The following SPTBN5 variants were observed in gnomAD, a reference collection of about 807,000 sequenced individuals.
SPTBN5 encodes the protein spectrin beta chain, non-erythrocytic 5.
Under a neutral mutation model 477.6 loss-of-function variants are expected in SPTBN5, and 513 were observed. The ratio of observed to expected loss-of-function variants is 1.07; its 90% confidence interval spans 1.00 to 1.16. The LOEUF (loss-of-function observed/expected upper bound fraction) is 1.16. Among genes scored for constraint, SPTBN5 ranks in the 50% most tolerant of loss-of-function variants. The pLI, the probability that SPTBN5 is intolerant of heterozygous loss-of-function variation, is 0.00. For synonymous variants in SPTBN5, 2,169 were observed against 2,011.7 expected (o/e 1.08, Z -2.09); for missense variants, 5,062 against 4,731.8 (o/e 1.07, Z -2.05).
Position 41,888,072 on chromosome 15 carries a change from G to C in SPTBN5, c.515C>G (p.Ala172Gly). 6.4e-7 allele frequency: 1 copy of C among 1,572,258 alleles called. No individual in the cohort carries two copies. The highest frequency in any genetic ancestry group is 8.6e-7 in the Non-Finnish European group (1 of 1,159,504). Residue 172 changes from alanine (A) to glycine (G), a missense_variant, in exon 5 of 68, where the codon GCC (alanine) becomes GGC (glycine). Ala to Gly is a moderately conservative substitution (Grantham distance 60). Transcript: ENST00000320955. ...CTTGGTGGACAGCAGGGCTGCGCTGGCCCCAAACTCCTCCTGGCGGGACAG... is the reference window on the plus strand; with the variant it reads ...CTTGGTGGACAGCAGGGCTGCGCTGCCCCCAAACTCCTCCTGGCGGGACAG... ...HISLDKEEFGASAALLSTKEA... is the reference protein window; with the variant it reads ...HISLDKEEFGGSAALLSTKEA...
rs775437209 is a variant in SPTBN5, at chr15:41,870,522, C to T, written c.5486G>A (p.Arg1829Gln). The T allele has an allele frequency of 2.8e-5, 45 of 1,611,058 alleles. No individual in the cohort carries two copies. The highest frequency in any genetic ancestry group is 2.8e-5 in the Non-Finnish European group (33 of 1,179,614). Residue 1829 changes from arginine (R) to glutamine (Q), a missense_variant, in exon 30 of 68, where the codon CGA (arginine) becomes CAA (glutamine). By Grantham distance (43) the Arg-to-Gln change is conservative. Transcript: ENST00000320955. ...CTCGGTGTCTCGGAGCGCGTGGCCT[C>T]GGGCCTGGGTCAGCTCCCACAGCTC... is the stretch of plus-strand genomic sequence containing the variant. ...WSELWELTQA[R>Q]GHALRDTETT...
chr15:41,865,800 C>A lies in SPTBN5; in HGVS notation c.6918+8G>T, dbSNP rs781263997. 43 of 1,553,936 alleles carry A rather than the reference C, an allele frequency of 2.8e-5. No individual in the cohort carries two copies. The East Asian group carries it at 9.9e-4, about 36-fold the overall frequency. ...ATGGCCAACCTCTACCCAGCAAGGC[C>A]CTCTTACCCCGGCCGAGTTTCCTCG... is the stretch of plus-strand genomic sequence containing the variant. On this transcript the variant is annotated splice_region_variant and intron_variant, in intron 39 of 67. Coordinates refer to ENST00000320955, the MANE Select transcript of SPTBN5 (RefSeq NM_016642.4).
chr15:41,856,462 G>A lies in SPTBN5; in HGVS notation c.8945C>T (p.Ala2982Val). 3 of 1,597,194 alleles carry A rather than the reference G, an allele frequency of 1.9e-6. No individual in the cohort carries two copies. The highest frequency in any genetic ancestry group is 2.6e-6 in the Non-Finnish European group (3 of 1,173,244). Reference protein sequence around the residue: ...ARVQQLEKAMAHLRAEAARRR... With the variant: ...ARVQQLEKAMVHLRAEAARRR... Reference sequence around the variant, plus strand: ...CCGCGCCGCCTCTGCCCGCAGGTGGGCCATGGCCTTCTCCAGCTGCTGCAC... The same window carrying A: ...CCGCGCCGCCTCTGCCCGCAGGTGGACCATGGCCTTCTCCAGCTGCTGCAC... Residue 2982 changes from alanine to valine, a missense_variant, in exon 53 of 68, where the codon GCC (alanine) becomes GTC (valine). By Grantham distance (64) the Ala-to-Val change is moderately conservative. Transcript: ENST00000320955.
chr15:41,879,598 G>T, intron 15 of SPTBN5, 99 bp from the exon 16 acceptor site: 1 of 1,544,108 alleles, frequency 6.5e-7, no homozygotes, highest in South Asian at 1.2e-5. Flanking sequence ...TGCCAGACTG[G>T]CTGTCCCTTG....
At position 41,863,755 on chromosome 15, in the gene SPTBN5, T is replaced by A. The variant is rs946259335; in HGVS notation, c.7098A>T (p.Ile2366=). The stretch of plus-strand genomic sequence containing the variant: ...TGTCCAGCTCTCGGGACAACACGTG[T>A]ATCTCCAAGGCCCCTTCGAGCTGCT... The part of the protein sequence containing the change: ...YQQQLEGALE[I]HVLSRELDNV... Residue 2366 remains isoleucine, a synonymous_variant, in exon 41 of 68, where the codon ATA becomes ATT. Coordinates refer to ENST00000320955, the MANE Select transcript of SPTBN5 (RefSeq NM_016642.4). The A allele has an allele frequency of 1.2e-6, 2 of 1,613,724 alleles. No individual in the cohort carries two copies. The highest frequency in any genetic ancestry group is 1.7e-6 in the Non-Finnish European group (2 of 1,179,876).
rs1424592489 is a variant in SPTBN5 at position 41,857,678 on chromosome 15, TG to T, written c.8258del (p.Pro2753GlnfsTer58). The T allele has an allele frequency of 6.3e-7, 1 of 1,584,430 alleles. No individual in the cohort carries two copies. The highest frequency in any genetic ancestry group is 8.6e-7 in the Non-Finnish European group (1 of 1,166,138). ...EGQRLLQGGHPASEAIQERLE... is the reference protein window; with the variant it reads ...EGQRLLQGGHXASEAIQERLE... ...GTCGCTCCTGGATGGCCTCCGAGGCTGGGTGGCCCCCCTGCAGCAGCCTCTG... is the reference window on the plus strand; with the variant it reads ...GTCGCTCCTGGATGGCCTCCGAGGCTGGTGGCCCCCCTGCAGCAGCCTCTG... On this transcript the variant is annotated frameshift_variant, in exon 50 of 68. Transcript: ENST00000320955. LOFTEE classifies it high-confidence loss of function.
chr15:41,850,989 C>T, intron 65 of SPTBN5, 50 bp from the exon 66 acceptor site: 4 of 1,588,238 alleles, frequency 2.5e-6, no homozygotes, highest in Non-Finnish European at 3.4e-6. Flanking sequence ...TGGGGACCCC[C>T]ACGCCTCCAG....
In SPTBN5 at chr15:41,867,078, GC is replaced by G. The variant is rs2066348130; in HGVS notation, c.6360del (p.Arg2121GlyfsTer12). 6.5e-7 allele frequency: 1 copy of G among 1,546,528 alleles called. No individual in the cohort carries two copies. The highest frequency in any genetic ancestry group is 2.0e-5 in the Admixed American group (1 of 51,118). On this transcript the variant is annotated frameshift_variant, in exon 36 of 68. Coordinates refer to ENST00000320955, the MANE Select transcript of SPTBN5 (RefSeq NM_016642.4). LOFTEE classifies it high-confidence loss of function. ...TGCAGCAGGATGGGAAGCCGGTCCC[GC>G]ACCCGGGGGCGCCGGAGCGTCTTCA... ...ERLKTLRRPR[V>X]RDRLPILLQR...
Position 41,875,694 on chromosome 15 carries a change from C to T in SPTBN5, c.4123-72G>A, listed in dbSNP as rs74429960. 4,103 of 1,471,666 alleles carry T rather than the reference C, an allele frequency of 2.8e-3. 102 individuals are homozygous for T. The African/African-American group carries it at 0.052, about 19-fold the overall frequency. The allele number at this position is 1,471,666 out of a possible 1,614,324, so 91.2% of individuals were successfully genotyped here. On this transcript the variant is annotated intron_variant, in intron 21 of 67. Coordinates refer to ENST00000320955, the MANE Select transcript of SPTBN5 (RefSeq NM_016642.4). ...CCACCAGTGGCCGCAGCAGGCTGGA[C>T]CTGGGTGGCAGTGGAGGTGAGGGGG...
intron 33 of SPTBN5, 40 bp downstream of exon 33, chr15:41,868,358 T>C (rs767351681): frequency 3.8e-6 from 6 of 1,580,954 alleles, no homozygotes; most frequent in Non-Finnish European, 5.2e-6. Flanking sequence ...ACAGGCTTGG[T>C]CAGCTAGGGT....
At chr15:41,872,191 T>G in intron 27 of SPTBN5, 111 bp downstream of exon 27, 1 of 1,362,682 alleles carries the variant, frequency 7.3e-7, no homozygotes. Context: ...CCAATGCATC[T>G]CTACAGCCTG....
chr15:41,861,354 C>A (rs538874606), intron 46 of SPTBN5, 65 bp downstream of exon 46: 54 of 1,428,602 alleles, frequency 3.8e-5, no homozygotes, highest in Admixed American at 3.7e-4. Context: ...GCAGCACTGG[C>A]TGGTTTGACC....
chr15:41,872,579 C>T, intron 26 of SPTBN5, 120 bp from the exon 27 acceptor site: 1 of 1,064,884 alleles, frequency 9.4e-7, no homozygotes, highest in Non-Finnish European at 1.3e-6. Flanking sequence ...CACGCCCATC[C>T]ATCTACCTCA....
rs2066395071 is a variant in SPTBN5, at chr15:41,868,087, C to A, written c.6189G>T (p.Glu2063Asp). 1.2e-6 allele frequency: 2 copies of A among 1,603,118 alleles called. No individual in the cohort carries two copies. The highest frequency in any genetic ancestry group is 1.7e-6 in the Non-Finnish European group (2 of 1,177,308). Reference protein sequence around the residue: ...LFLRECGRLEEILAAQEVSLK... With the variant: ...LFLRECGRLEDILAAQEVSLK... ...GACCTGCCTCCTGGGCCGCGAGGATCTCCTCCAGGCGGCCGCACTCTCTGA... is the reference window on the plus strand; with the variant it reads ...GACCTGCCTCCTGGGCCGCGAGGATATCCTCCAGGCGGCCGCACTCTCTGA... Residue 2063 changes from glutamate to aspartate, a missense_variant, in exon 34 of 68, where the codon GAG (glutamate) becomes GAT (aspartate). Glu to Asp is a conservative substitution (Grantham distance 45, BLOSUM62 2). Coordinates refer to ENST00000320955, the MANE Select transcript of SPTBN5 (RefSeq NM_016642.4).
Position 41,874,297 on chromosome 15 carries a change from G to A in SPTBN5, c.4684C>T (p.His1562Tyr), listed in dbSNP as rs757530687. Reference protein sequence around the residue: ...LNGAQSLHRKHKELQVEVKAH... With the variant: ...LNGAQSLHRKYKELQVEVKAH... ...AGGAAGAAGAGGGCTATTACCTTGTGCTTGCGGTGAAGGCTCTGGGCACCA... is the reference window on the plus strand; with the variant it reads ...AGGAAGAAGAGGGCTATTACCTTGTACTTGCGGTGAAGGCTCTGGGCACCA... The change falls in exon 24 of 68, where the codon CAC becomes TAC. Residue 1562 changes from histidine to tyrosine, a missense_variant. Coordinates refer to ENST00000320955, the MANE Select transcript of SPTBN5 (RefSeq NM_016642.4). 1.9e-6 allele frequency: 3 copies of A among 1,610,840 alleles called. No individual in the cohort carries two copies. Among genetic ancestry groups the A allele is most frequent in the East Asian group, 4.5e-5 (2 of 44,842 alleles).
Position 41,851,272 on chromosome 15 carries a change from C to G in SPTBN5, c.10743+11G>C. On this transcript the variant is annotated intron_variant, in intron 64 of 67. Coordinates refer to ENST00000320955, the MANE Select transcript of SPTBN5 (RefSeq NM_016642.4). ...CCCTGATGTCTGCATCTCCCCTACC[C>G]CGCCTGGTACCTCCGCTGCCATCCT... The G allele has an allele frequency of 6.4e-7, 1 of 1,551,444 alleles. No homozygotes were observed. Among genetic ancestry groups the G allele is most frequent in the Non-Finnish European group, 8.7e-7 (1 of 1,147,112 alleles).
intron 44 of SPTBN5, 51 bp downstream of exon 44, chr15:41,862,079 G>A (rs975909046): frequency 7.2e-6 from 10 of 1,390,588 alleles, no homozygotes; most frequent in Non-Finnish European, 9.6e-6. Context: ...GAAGGGGAGG[G>A]CAGGGCGGAG....
chr15:41,870,609 G>T, intron 29 of SPTBN5, 49 bp from the exon 30 acceptor site: 1 of 1,503,072 alleles, frequency 6.7e-7, no homozygotes, highest in Non-Finnish European at 9.1e-7. Context: ...GCCGGGCCGT[G>T]TCATTCCTCC....
In SPTBN5 at chr15:41,866,332, C is replaced by T; in HGVS notation, c.6630+12G>A. On this transcript the variant is annotated intron_variant, in intron 37 of 67. Coordinates refer to ENST00000320955, the MANE Select transcript of SPTBN5 (RefSeq NM_016642.4). ...TTTGGGGCAGGCATGGGGCTGAGGG[C>T]CCGGTTGTTACCTTGGCAACAGAGG... The T allele has an allele frequency of 6.3e-7, 1 of 1,581,222 alleles. No homozygotes were observed. Among genetic ancestry groups the T allele is most frequent in the South Asian group, 1.2e-5 (1 of 86,810 alleles).
Sources: gnomAD v4.1 joint callset for allele counts on GRCh38, gnomAD v4.1.1 for gene constraint, MANE v1.5 for transcripts, NCBI Gene and HGNC (gene_info 2026-07-23, HGNC 2026-07-21) for gene names.